Variants in ICA1L observed in about 807,000 individuals in gnomAD.
The protein encoded by ICA1L is islet cell autoantigen 1 like.
In ICA1L, 50 loss-of-function variants were observed where a neutral mutation model predicts 61.3. The ratio of observed to expected loss-of-function variants is 0.82; its 90% CI spans 0.65 to 1.03. The LOEUF is 1.03. Among genes scored for constraint, ICA1L ranks in the 50% least tolerant of loss-of-function variants. The pLI, the probability that ICA1L is intolerant of heterozygous loss-of-function variation, is 0.00. For synonymous variants in ICA1L, 161 were observed against 191.3 expected (o/e 0.84, Z 1.31); for missense variants, 508 against 556.7 (o/e 0.91, Z 0.88).
At chr2:202,787,785 A>G (rs1559127110) in intron 11 of ICA1L, among the ~76,000 whole-genome samples, 1 of 152,254 alleles carries the variant, frequency 6.6e-6, no homozygotes, top group Admixed American at 6.5e-5. Context: ...AGACTGGAAT[A>G]TAAAGCAAGA....
At chr2:202,815,833 A>T in intron 7 of ICA1L, 78 bp downstream of exon 7, 2 of 608,466 alleles carry the variant, frequency 3.3e-6, no homozygotes, top group Non-Finnish European at 4.9e-6. Flanking sequence ...ACCTTGGTTA[A>T]AAAAAAAAAA....
In ICA1L at chr2:202,775,386, T is replaced by G. The variant is rs1692190077; in HGVS notation, c.*4147A>C. The G allele has an allele frequency of 2.0e-5, 3 of 152,336 alleles. No homozygotes were observed. In the South Asian group the frequency reaches 6.2e-4, roughly 32 times the overall value. 9.4% of individuals were successfully genotyped at this position (152,336 alleles called of 1,614,324 possible). ...TTACATACTATGGCTTATATTTAAT[T>G]GTTTGTGTCTAGGCTCAGATTTTTG... is the stretch of plus-strand genomic sequence containing the variant. On this transcript the variant is annotated 3_prime_UTR_variant, in exon 13 of 13. Transcript: ENST00000358299.
At chr2:202,779,870 C>G (rs965488590) in intron 12 of ICA1L, among the ~76,000 whole-genome samples, 2 of 147,590 alleles carry the variant, frequency 1.4e-5, no homozygotes, top group Non-Finnish European at 3.0e-5. Context: ...GTCTGGAACT[C>G]CTGGGCTCAA....
chr2:202,773,699 A>G lies in ICA1L; in HGVS notation c.*5834T>C. On this transcript the variant is annotated 3_prime_UTR_variant, in exon 13 of 13. Transcript: ENST00000358299. The stretch of plus-strand genomic sequence containing the variant: ...CCCAAGAGCTATCATTAATATATAC[A>G]GCATATTGACTCTAGTTGCATCAGT... The G allele has an allele frequency of 1.0e-6, 1 of 969,076 alleles. No individual in the cohort carries two copies. 60.0% of individuals were successfully genotyped at this position (969,076 alleles called of 1,614,324 possible).
At chr2:202,826,592 C>T (rs1693848637) in intron 2 of ICA1L, among the ~76,000 whole-genome samples, 1 of 152,170 alleles carries the variant, frequency 6.6e-6, no homozygotes, top group South Asian at 2.1e-4. Context: ...CTGGCTCAAC[C>T]TCCTGAGTAG....
At chr2:202,782,979 C>A (rs542333353) in intron 12 of ICA1L, among the ~76,000 whole-genome samples, 1 of 152,140 alleles carries the variant, frequency 6.6e-6, no homozygotes, top group Non-Finnish European at 1.5e-5. Flanking sequence ...AGTGTGAAAT[C>A]TGTGATTTGC....
chr2:202,841,781 T>C (rs1694340146), intron 1 of ICA1L: 1 of 418,476 alleles, frequency 2.4e-6, no homozygotes, highest in South Asian at 1.9e-5. Flanking sequence ...ATGATGGACA[T>C]GGTTGATGCA....
chr2:202,840,388 C>CGCTTTTT, intron 1 of ICA1L: 1 of 493,510 alleles, frequency 2.0e-6, no homozygotes, highest in Non-Finnish European at 4.0e-6. Context: ...GGATCTCAAT[C>CGCTTTTT]TTCTTCACAA....
chr2:202,817,888 A>G (rs1693583909), intron 5 of ICA1L, among the ~76,000 whole-genome samples: 6 of 152,232 alleles, frequency 3.9e-5, no homozygotes, highest in Admixed American at 3.9e-4. Flanking sequence ...ATAAATGGAA[A>G]GGGGACCTCG....
At chr2:202,817,287 C>T in intron 6 of ICA1L, 131 bp downstream of exon 6, 1 of 768,800 alleles carries the variant, frequency 1.3e-6, no homozygotes, top group Non-Finnish European at 1.9e-6. Context: ...CTCTGACTTT[C>T]ATAACCTCAA....
In ICA1L at chr2:202,865,969, C is replaced by T. The variant is rs1380284014; in HGVS notation, c.-8+5650G>A. ...AATCCATTCTCATTTTTAATAACATCGAAAGTCATGAAATATTTAGCAACA... is the reference window on the plus strand; with the variant it reads ...AATCCATTCTCATTTTTAATAACATTGAAAGTCATGAAATATTTAGCAACA... On this transcript the variant is annotated intron_variant, in intron 1 of 12. Coordinates refer to ENST00000358299, the MANE Select transcript of ICA1L (RefSeq NM_001288622.3). 3.3e-5 allele frequency among the ~76,000 whole-genome samples: 5 copies of T among 151,948 alleles called. 1 individual carries two copies. The highest frequency in any genetic ancestry group is 4.2e-4 in the South Asian group (2 of 4,808).
At chr2:202,814,863 T>A (rs1693486909) in intron 7 of ICA1L, 79 bp from the exon 8 acceptor site, 10 of 968,452 alleles carry the variant, frequency 1.0e-5, no homozygotes, top group Non-Finnish European at 1.6e-5. Flanking sequence ...AGAATATAAA[T>A]TCTAAAGAAC....
At position 202,775,693 on chromosome 2, in the gene ICA1L, A is replaced by G. The variant is rs908252263; in HGVS notation, c.*3840T>C. The G allele has an allele frequency of 6.6e-6, 1 of 151,996 alleles. No homozygotes were observed. Among genetic ancestry groups the G allele is most frequent in the Non-Finnish European group, 1.5e-5 (1 of 68,028 alleles). The allele number at this position is 151,996 out of a possible 1,614,324, so 9.4% of individuals were successfully genotyped here. ...GCCACCATGCCCAGCTAATTTTTAT[A>G]TTTTTCATAGAGATGGGGTTTCACC... is the stretch of plus-strand genomic sequence containing the variant. On this transcript the variant is annotated 3_prime_UTR_variant, in exon 13 of 13. Transcript: ENST00000358299.
intron 2 of ICA1L, among the ~76,000 whole-genome samples, chr2:202,826,558 A>G (rs13032735): frequency 0.89 from 134,884 of 152,100 alleles, 60,528 homozygotes; most frequent in Non-Finnish European, 0.95. Flanking sequence ...TGCAACTTCT[A>G]CCGCCTGGGT....
chr2:202,782,094 C>A (rs2105815099), intron 12 of ICA1L, among the ~76,000 whole-genome samples: 1 of 152,032 alleles, frequency 6.6e-6, no homozygotes, highest in South Asian at 2.1e-4. Flanking sequence ...GCCTGTAATC[C>A]CAGCACTTTA....
At chr2:202,790,756 AGTG>A (rs1692721988) in intron 10 of ICA1L, among the ~76,000 whole-genome samples, 1 of 152,084 alleles carries the variant, frequency 6.6e-6, no homozygotes, top group African/African-American at 2.4e-5. Context: ...CTGCTAGTAA[AGTG>A]GTGGTTTCAT....
intron 10 of ICA1L, among the ~76,000 whole-genome samples, chr2:202,791,285 C>T (rs1036346269): frequency 3.3e-5 from 5 of 152,106 alleles, no homozygotes; most frequent in African/African-American, 1.2e-4. Flanking sequence ...ATAACTTGGA[C>T]TTACAAAGAA....
chr2:202,854,150 CAT>C (rs755838489), intron 1 of ICA1L, among the ~76,000 whole-genome samples: 29 of 151,516 alleles, frequency 1.9e-4, no homozygotes, highest in Admixed American at 5.3e-4. Context: ...AGACCTATCT[CAT>C]GTGCAGACAC....
intron 1 of ICA1L, among the ~76,000 whole-genome samples, chr2:202,840,035 A>C (rs963465534): frequency 2.8e-5 from 4 of 141,168 alleles, no homozygotes; most frequent in Non-Finnish European, 6.1e-5. Context: ...CCCTTAATAA[A>C]TTATTGTAGC....
Sources: allele counts gnomAD v4.1 joint callset (sites outside exome capture counted in the v4.1 genomes callset), GRCh38; gene constraint gnomAD v4.1.1; transcripts MANE v1.5; gene names NCBI Gene and HGNC (gene_info 2026-07-23, HGNC 2026-07-21).